MAP2K5: variants seen among roughly 807,000 people sequenced by gnomAD.
MAP2K5 encodes dual specificity mitogen-activated protein kinase kinase 5.
MAP2K5 carries 49 observed loss-of-function variants against 83.1 expected under a neutral mutation model. The ratio of observed to expected loss-of-function variants is 0.59; its 90% CI spans 0.47 to 0.75. The LOEUF (loss-of-function observed/expected upper bound fraction) is 0.75, where lower values mean the gene tolerates loss of function less well. Among genes scored for constraint, MAP2K5 ranks in the 30% least tolerant of loss-of-function variants. The pLI is 0.00. For missense variants in MAP2K5, 457 were observed against 557.5 expected, an observed-to-expected ratio of 0.82 and a Z score of 1.82; for synonymous variants, 202 against 191.8, an observed-to-expected ratio of 1.05 and a Z score of -0.44.
At position 67,554,101 on chromosome 15, in the gene MAP2K5, A is replaced by G. The variant is rs375035335; in HGVS notation, c.184+4019A>G. 7.2e-5 allele frequency among the ~76,000 whole-genome samples: 11 copies of G among 152,268 alleles called. No individual in the cohort carries two copies. In the East Asian group the frequency reaches 1.4e-3, roughly 19 times the overall value. ...TTGAAATGGTCTGGCTCTGTCACCCAGGCTGGAGAGTGCAGTGGTGCGATC... is the reference window on the plus strand; with the variant it reads ...TTGAAATGGTCTGGCTCTGTCACCCGGGCTGGAGAGTGCAGTGGTGCGATC... On this transcript the variant is annotated intron_variant, in intron 2 of 21. Coordinates refer to ENST00000178640, the MANE Select transcript of MAP2K5 (RefSeq NM_145160.3).
intron 7 of MAP2K5, among the ~76,000 whole-genome samples, chr15:67,594,961 TG>T (rs2085494182): frequency 6.6e-6 from 1 of 152,206 alleles, no homozygotes; most frequent in African/African-American, 2.4e-5. Flanking sequence ...AATAAATTTC[TG>T]GGCTGAACAC....
chr15:67,619,063 C>T (rs2086120296), intron 8 of MAP2K5, among the ~76,000 whole-genome samples: 2 of 152,166 alleles, frequency 1.3e-5, no homozygotes, highest in Admixed American at 1.3e-4. Context: ...AGCTAGCCCT[C>T]TTGCTTATTC....
intron 4 of MAP2K5, 93 bp from the exon 5 acceptor site, chr15:67,585,797 G>T: frequency 9.7e-7 from 1 of 1,026,306 alleles, no homozygotes; most frequent in South Asian, 1.3e-5. Flanking sequence ...TGCTAATTTT[G>T]GTGTCACCCT....
At chr15:67,729,598 G>A (rs969597498) in intron 17 of MAP2K5, among the ~76,000 whole-genome samples, 10 of 151,524 alleles carry the variant, frequency 6.6e-5, no homozygotes, top group African/African-American at 9.7e-5. Flanking sequence ...GTGAAACCCC[G>A]TCTCTACTAA....
Position 67,760,806 on chromosome 15 carries a change from T to A in MAP2K5, c.1135-8796T>A, listed in dbSNP as rs2089935015. Among the ~76,000 whole-genome samples the A allele has an allele frequency of 6.6e-6, 1 of 152,116 alleles. No individual in the cohort carries two copies. Among genetic ancestry groups the A allele is most frequent in the African/African-American group, 2.4e-5 (1 of 41,420 alleles). Reference sequence around the variant, plus strand: ...CATGTGTTGCTGTATTGTGAAGTCTTACCCAGCCATAGGACAATGCTCATT... The same window carrying A: ...CATGTGTTGCTGTATTGTGAAGTCTAACCCAGCCATAGGACAATGCTCATT... On this transcript the variant is annotated intron_variant, in intron 19 of 21. Transcript: ENST00000178640. The surrounding 1 kb of genome is among the most constrained non-coding windows in gnomAD (Gnocchi z 4.1).
At chr15:67,654,962 G>A (rs2087034043) in intron 11 of MAP2K5, among the ~76,000 whole-genome samples, 1 of 151,998 alleles carries the variant, frequency 6.6e-6, no homozygotes, top group Non-Finnish European at 1.5e-5. Context: ...CTACTCGGGA[G>A]GCTGAGGCTG....
chr15:67,791,649 T>C (rs2090520972), intron 21 of MAP2K5, among the ~76,000 whole-genome samples: 1 of 152,170 alleles, frequency 6.6e-6, no homozygotes, highest in African/African-American at 2.4e-5. Context: ...CAGCTCTACC[T>C]TGGCCAAATC....
In MAP2K5 at chr15:67,641,820, C is replaced by CT. The variant is rs2086717612; in HGVS notation, c.586-4406dup. On this transcript the variant is annotated intron_variant, in intron 9 of 21. Coordinates refer to ENST00000178640, the MANE Select transcript of MAP2K5 (RefSeq NM_145160.3). ...AAAAAGAAAATTAGTCTTTGCCATG[C>CT]TTTTTGCCATTGCCTTCAAATAAGG... Among the ~76,000 whole-genome samples, 3 of 152,280 alleles carry CT rather than the reference C, an allele frequency of 2.0e-5. No individual in the cohort carries two copies. In the South Asian group the frequency reaches 6.2e-4, roughly 32 times the overall value.
intron 19 of MAP2K5, among the ~76,000 whole-genome samples, chr15:67,756,824 T>C (rs1399830270): frequency 6.6e-6 from 1 of 152,158 alleles, no homozygotes; most frequent in Non-Finnish European, 1.5e-5. Context: ...ACTTAGCATA[T>C]TCATCTGTCT....
At chr15:67,705,658 C>T (rs998605248) in intron 16 of MAP2K5, among the ~76,000 whole-genome samples, 1 of 152,036 alleles carries the variant, frequency 6.6e-6, no homozygotes, top group African/African-American at 2.4e-5. Flanking sequence ...ATCACTTGAA[C>T]CCAGGAGGCG....
At chr15:67,737,514 C>T (rs1009697892) in intron 17 of MAP2K5, among the ~76,000 whole-genome samples, 4 of 152,060 alleles carry the variant, frequency 2.6e-5, no homozygotes, top group African/African-American at 7.3e-5. Context: ...TGCTAAGAAC[C>T]CAACCCTCTT....
intron 3 of MAP2K5, among the ~76,000 whole-genome samples, chr15:67,576,498 C>T (rs1410786790): frequency 6.8e-6 from 1 of 147,542 alleles, no homozygotes; most frequent in Admixed American, 6.7e-5. Flanking sequence ...AACTTTGTCA[C>T]ATCCTTATTA....
intron 19 of MAP2K5, among the ~76,000 whole-genome samples, chr15:67,756,622 A>C (rs1476670390): frequency 2.0e-5 from 3 of 149,054 alleles, no homozygotes; most frequent in African/African-American, 7.4e-5. Context: ...AGGATTATTA[A>C]TTATACTCAC....
chr15:67,801,222 A>G lies in MAP2K5; in HGVS notation c.1243-5424A>G, dbSNP rs963668704. 6.6e-6 allele frequency among the ~76,000 whole-genome samples: 1 copy of G among 152,198 alleles called. No individual in the cohort carries two copies. Among genetic ancestry groups the G allele is most frequent in the Non-Finnish European group, 1.5e-5 (1 of 68,032 alleles). On this transcript the variant is annotated intron_variant, in intron 21 of 21. Coordinates refer to ENST00000178640, the MANE Select transcript of MAP2K5 (RefSeq NM_145160.3). This position sits in a 1 kb window ranked among gnomAD's most constrained non-coding sequence, Gnocchi z 4.8. ...TCAAGCAAGGCTCACAGGTCCAGCA[A>G]TGAAAGGCAAAGGGATGGGCAGTGG...
chr15:67,634,409 A>AGG lies in MAP2K5; in HGVS notation c.585+3483_585+3484insGG, dbSNP rs1491373923. Among the ~76,000 whole-genome samples the AGG allele has an allele frequency of 2.9e-4, 38 of 132,842 alleles. 1 individual carries two copies. The highest frequency in any genetic ancestry group is 1.0e-3 in the African/African-American group (36 of 34,304). 87.1% of individuals were successfully genotyped at this position (132,842 alleles called of 152,430 possible). The stretch of plus-strand genomic sequence containing the variant: ...AAAAAAAAAAAAAAAAAAAAAAAAA[A>AGG]GAATGTATAATCCACTGTATAGGGT... On this transcript the variant is annotated intron_variant, in intron 9 of 21. Coordinates refer to ENST00000178640, the MANE Select transcript of MAP2K5 (RefSeq NM_145160.3).
At position 67,644,335 on chromosome 15, in the gene MAP2K5, A is replaced by G. The variant is rs1304955504; in HGVS notation, c.586-1896A>G. Reference sequence around the variant, plus strand: ...CTTGAACCCGGGAGGCGGAGGTTGCAGTGAGCCAAGATCGCGCCACTACAC... The same window carrying G: ...CTTGAACCCGGGAGGCGGAGGTTGCGGTGAGCCAAGATCGCGCCACTACAC... On this transcript the variant is annotated intron_variant, in intron 9 of 21. Coordinates refer to ENST00000178640, the MANE Select transcript of MAP2K5 (RefSeq NM_145160.3). This position sits in a 1 kb window ranked among gnomAD's most constrained non-coding sequence, Gnocchi z 4.6. Among the ~76,000 whole-genome samples, 1 of 152,152 alleles carries G rather than the reference A, an allele frequency of 6.6e-6. No homozygotes were observed. The highest frequency in any genetic ancestry group is 1.5e-5 in the Non-Finnish European group (1 of 68,006).
rs2087433931 is a variant in MAP2K5, at chr15:67,668,161, A to C, written c.847+3516A>C. 6.6e-6 allele frequency among the ~76,000 whole-genome samples: 1 copy of C among 152,186 alleles called. No homozygotes were observed. Among genetic ancestry groups the C allele is most frequent in the Admixed American group, 6.6e-5 (1 of 15,266 alleles). Reference sequence around the variant, plus strand: ...TGAGATATATGTGCAGGGACTTTATAAACTATTGAATGCTAAGAATGTGGC... The same window carrying C: ...TGAGATATATGTGCAGGGACTTTATCAACTATTGAATGCTAAGAATGTGGC... On this transcript the variant is annotated intron_variant, in intron 13 of 21. Transcript: ENST00000178640. The surrounding 1 kb of genome is among the most constrained non-coding windows in gnomAD (Gnocchi z 4.0).
chr15:67,667,974 G>C lies in MAP2K5; in HGVS notation c.847+3329G>C, dbSNP rs966159186. Among the ~76,000 whole-genome samples, 3 of 152,244 alleles carry C rather than the reference G, an allele frequency of 2.0e-5. No individual in the cohort carries two copies. The South Asian group carries it at 6.2e-4, about 32-fold the overall frequency. On this transcript the variant is annotated intron_variant, in intron 13 of 21. Transcript: ENST00000178640. ...AGCGGCAAACCACTCATCCCATGAGGCTTGTTAGTCTGGTAAAAGTTAGTT... is the reference window on the plus strand; with the variant it reads ...AGCGGCAAACCACTCATCCCATGAGCCTTGTTAGTCTGGTAAAAGTTAGTT...
At chr15:67,656,700 A>G (rs2087088782) in intron 11 of MAP2K5, among the ~76,000 whole-genome samples, 1 of 152,136 alleles carries the variant, frequency 6.6e-6, no homozygotes, top group African/African-American at 2.4e-5. Flanking sequence ...CAGCTGACTC[A>G]TGGCTTTAGC....
Sources: gnomAD v4.1 joint callset for allele counts (sites outside exome capture counted in the v4.1 genomes callset) on GRCh38, gnomAD v4.1.1 for gene constraint, Gnocchi (gnomAD v3.1) non-coding constraint, MANE v1.5 for transcripts, NCBI Gene and HGNC (gene_info 2026-07-23, HGNC 2026-07-21) for gene names.